Variants in LRRTM4 observed in about 807,000 individuals in gnomAD.
LRRTM4 encodes leucine rich repeat transmembrane neuronal 4, also known as leucine-rich repeat transmembrane neuronal protein 4.
LRRTM4 carries 25 observed loss-of-function variants against 47.6 expected under a neutral mutation model. The ratio of observed to expected loss-of-function variants is 0.53; its 90% confidence interval spans 0.38 to 0.73. LRRTM4 has a LOEUF of 0.73. Among genes scored for constraint, LRRTM4 ranks in the 30% least tolerant of loss-of-function variants. LRRTM4 has a pLI of 0.00. For missense variants in LRRTM4, 638 were observed against 713.4 expected (o/e 0.89, Z 1.20); for synonymous variants, 311 against 269.5 (o/e 1.15, Z -1.51).
intron 3 of LRRTM4, among the ~76,000 whole-genome samples, chr2:76,795,547 A>G (rs1277777297): frequency 6.6e-6 from 1 of 151,196 alleles, no homozygotes; most frequent in Non-Finnish European, 1.5e-5. Context: ...ATGCATATAC[A>G]TGTATATGCA....
At chr2:77,173,966 C>T (rs762561525) in intron 3 of LRRTM4, among the ~76,000 whole-genome samples, 1 of 152,208 alleles carries the variant, frequency 6.6e-6, no homozygotes, top group African/African-American at 2.4e-5. Flanking sequence ...TGTTTACCTA[C>T]TTAGAAGACA....
rs1672751684 is a variant in LRRTM4, at chr2:76,875,484, GGA to G, written c.1552-126570_1552-126569del. Among the ~76,000 whole-genome samples, 4 of 152,104 alleles carry G rather than the reference GGA, an allele frequency of 2.6e-5. No homozygotes were observed. The South Asian group carries it at 8.3e-4, about 32-fold the overall frequency. The stretch of plus-strand genomic sequence containing the variant: ...AGCTCATATGTGACATAAGGTTGTT[GGA>G]AAAATGAATGAATTGAGTAAATGAG... On this transcript the variant is annotated intron_variant, in intron 3 of 3. Transcript: ENST00000409884.
chr2:77,068,448 C>T (rs1230052501), intron 3 of LRRTM4, among the ~76,000 whole-genome samples: 1 of 152,158 alleles, frequency 6.6e-6, no homozygotes, highest in Non-Finnish European at 1.5e-5. Context: ...AAACTGCTAG[C>T]ATTCATTTCT....
intron 3 of LRRTM4, among the ~76,000 whole-genome samples, chr2:77,157,162 A>C (rs1672582625): frequency 6.6e-6 from 1 of 152,180 alleles, no homozygotes; most frequent in Admixed American, 6.5e-5. Flanking sequence ...TTAATGCATT[A>C]AAAGAGAAAT....
At chr2:76,934,495 C>G (rs1167084718) in intron 3 of LRRTM4, among the ~76,000 whole-genome samples, 1 of 152,134 alleles carries the variant, frequency 6.6e-6, no homozygotes, top group South Asian at 2.1e-4. Flanking sequence ...TGTTGCAAGA[C>G]TTCAATTTAA....
At chr2:76,808,788 G>GA (rs1670639374) in intron 3 of LRRTM4, among the ~76,000 whole-genome samples, 1 of 151,660 alleles carries the variant, frequency 6.6e-6, no homozygotes, top group Non-Finnish European at 1.5e-5. Context: ...AGGAAACTCA[G>GA]AAACAACAGG....
chr2:76,990,907 T>A (rs908827851), intron 3 of LRRTM4, among the ~76,000 whole-genome samples: 3 of 151,580 alleles, frequency 2.0e-5, no homozygotes, highest in African/African-American at 7.3e-5. Context: ...CTATAAAGCA[T>A]GTCTCAGTAA....
At chr2:77,344,518 CA>C (rs1218350753) in intron 3 of LRRTM4, among the ~76,000 whole-genome samples, 1 of 151,392 alleles carries the variant, frequency 6.6e-6, no homozygotes, top group Non-Finnish European at 1.5e-5. Context: ...CAAAAAAGAT[CA>C]GGGGAAAATG....
At chr2:76,942,628 T>C (rs2103865107) in intron 3 of LRRTM4, among the ~76,000 whole-genome samples, 1 of 151,734 alleles carries the variant, frequency 6.6e-6, no homozygotes, top group Admixed American at 6.6e-5. Flanking sequence ...TTCTATGTTT[T>C]ACTATATTTA....
chr2:76,806,183 T>C (rs1295809228), intron 3 of LRRTM4, among the ~76,000 whole-genome samples: 2 of 152,214 alleles, frequency 1.3e-5, no homozygotes, highest in Non-Finnish European at 2.9e-5. Flanking sequence ...GAAAGGGCTT[T>C]ATTAAACAAA....
At chr2:77,089,871 G>A (rs1680871607) in intron 3 of LRRTM4, among the ~76,000 whole-genome samples, 1 of 152,114 alleles carries the variant, frequency 6.6e-6, no homozygotes. Flanking sequence ...AACGGTCTGA[G>A]GTGCCTGATG....
intron 3 of LRRTM4, among the ~76,000 whole-genome samples, chr2:76,866,092 A>G (rs1000235665): frequency 1.3e-5 from 2 of 152,144 alleles, no homozygotes; most frequent in African/African-American, 4.8e-5. Flanking sequence ...GAATGTAAAC[A>G]AAATAGAGTA....
At chr2:76,916,565 C>G (rs62170324) in intron 3 of LRRTM4, among the ~76,000 whole-genome samples, 21,935 of 151,846 alleles carry the variant, frequency 0.14, 2,014 homozygotes, top group Admixed American at 0.22. Flanking sequence ...AGGCAATTTG[C>G]AATTAAAAAT....
intron 3 of LRRTM4, among the ~76,000 whole-genome samples, chr2:76,794,189 G>C (rs1675131774): frequency 6.6e-6 from 1 of 152,166 alleles, no homozygotes; most frequent in South Asian, 2.1e-4. Context: ...AGTAACCAGA[G>C]ATTACTATGT....
intron 3 of LRRTM4, among the ~76,000 whole-genome samples, chr2:77,160,502 T>TAA (rs70939846): frequency 8.0e-4 from 119 of 149,204 alleles, no homozygotes; most frequent in Admixed American, 1.7e-3. Flanking sequence ...GTTTAATATT[T>TAA]AAAAAAAAAA....
At chr2:76,963,505 T>C (rs1269950445) in intron 3 of LRRTM4, among the ~76,000 whole-genome samples, 1 of 150,868 alleles carries the variant, frequency 6.6e-6, no homozygotes, top group South Asian at 2.1e-4. Context: ...TGAAAAAATA[T>C]TTGATTCAGA....
intron 3 of LRRTM4, among the ~76,000 whole-genome samples, chr2:76,760,918 G>A (rs1673230045): frequency 6.6e-6 from 1 of 152,206 alleles, no homozygotes. Context: ...AATGCCTTTA[G>A]AGCAGTGGTT....
chr2:77,173,412 T>C (rs1316895325), intron 3 of LRRTM4, among the ~76,000 whole-genome samples: 2 of 152,176 alleles, frequency 1.3e-5, no homozygotes, highest in Admixed American at 6.5e-5. Flanking sequence ...GACTCTCATT[T>C]CTAACATCTT....
intron 3 of LRRTM4, among the ~76,000 whole-genome samples, chr2:77,054,064 AAT>A (rs1181498780): frequency 1.3e-5 from 2 of 152,034 alleles, no homozygotes; most frequent in Non-Finnish European, 2.9e-5. Flanking sequence ...TCTGGCTTTG[AAT>A]AGTCTCTAGT....
Sources: allele counts gnomAD v4.1 joint callset (sites outside exome capture counted in the v4.1 genomes callset), GRCh38; gene constraint gnomAD v4.1.1; transcripts MANE v1.5; gene names NCBI Gene and HGNC (gene_info 2026-07-23, HGNC 2026-07-21).